The following NEGR1 variants were observed in gnomAD, a reference collection of about 807,000 sequenced individuals.
NEGR1 encodes the protein IgLON family member 4.
Under a neutral mutation model 40.9 loss-of-function variants are expected in NEGR1, and 10 were observed. The ratio of observed to expected loss-of-function variants is 0.24; its 90% CI spans 0.15 to 0.42. The LOEUF is 0.42. Ranked by LOEUF, NEGR1 falls within the 10% of genes least tolerant of loss-of-function variation. NEGR1 has a pLI of 1.00. For missense variants in NEGR1, 352 were observed against 438.9 expected, an observed-to-expected ratio of 0.80 and a Z score of 1.77; for synonymous variants, 185 against 166.8, an observed-to-expected ratio of 1.11 and a Z score of -0.84.
chr1:72,095,664 TAAAAA>T (rs982014874), intron 1 of NEGR1, among the ~76,000 whole-genome samples: 6 of 152,114 alleles, frequency 3.9e-5, no homozygotes, highest in African/African-American at 1.2e-4. Flanking sequence ...TTTTTAAACT[TAAAAA>T]GAAACTATTA....
intron 1 of NEGR1, among the ~76,000 whole-genome samples, chr1:72,181,029 A>C (rs1652348565): frequency 6.6e-6 from 1 of 152,086 alleles, no homozygotes; most frequent in East Asian, 1.9e-4. Context: ...GATGGTGTTG[A>C]CTGTAGTGTT....
At chr1:71,906,873 C>G (rs1661291345) in intron 2 of NEGR1, among the ~76,000 whole-genome samples, 2 of 152,058 alleles carry the variant, frequency 1.3e-5, no homozygotes, top group African/African-American at 4.8e-5. Context: ...TTAACCTAGC[C>G]TGAGGGACAA....
At chr1:72,234,478 A>G (rs529115658) in intron 1 of NEGR1, among the ~76,000 whole-genome samples, 10 of 152,216 alleles carry the variant, frequency 6.6e-5, no homozygotes, top group South Asian at 4.2e-4. Context: ...AAAACTATCA[A>G]CAAAGTGAAC....
At chr1:71,765,577 C>T (rs957226281) in intron 3 of NEGR1, among the ~76,000 whole-genome samples, 2 of 152,104 alleles carry the variant, frequency 1.3e-5, no homozygotes, top group Middle Eastern at 3.4e-3. Flanking sequence ...TCTAATATGC[C>T]TCCACATCTA....
chr1:71,554,814 G>A (rs1648203295), intron 6 of NEGR1, among the ~76,000 whole-genome samples: 1 of 151,450 alleles, frequency 6.6e-6, no homozygotes. Context: ...GGAATCCGAG[G>A]TGCCTTGCAG....
At chr1:71,579,997 C>A (rs1649082650) in intron 6 of NEGR1, among the ~76,000 whole-genome samples, 1 of 152,226 alleles carries the variant, frequency 6.6e-6, no homozygotes, top group East Asian at 1.9e-4. Context: ...ATGTGGCACA[C>A]ACATGCACAC....
chr1:72,205,583 C>T (rs1202317131), intron 1 of NEGR1, among the ~76,000 whole-genome samples: 2 of 148,108 alleles, frequency 1.4e-5, no homozygotes, highest in African/African-American at 5.0e-5. Flanking sequence ...AAACTTTACA[C>T]TCAGGTTTAA....
intron 4 of NEGR1, among the ~76,000 whole-genome samples, chr1:71,640,064 A>G (rs1651298271): frequency 6.6e-6 from 1 of 152,062 alleles, no homozygotes; most frequent in Non-Finnish European, 1.5e-5. Flanking sequence ...CACAATTATG[A>G]GCCTACTAAA....
intron 2 of NEGR1, among the ~76,000 whole-genome samples, chr1:71,880,195 G>GT (rs1344286600): frequency 6.6e-6 from 1 of 151,758 alleles, no homozygotes; most frequent in Non-Finnish European, 1.5e-5. Flanking sequence ...TTGAGGATAG[G>GT]TTTTTCACAA....
chr1:71,924,122 C>G (rs1454646201), intron 2 of NEGR1, among the ~76,000 whole-genome samples: 1 of 152,038 alleles, frequency 6.6e-6, no homozygotes, highest in African/African-American at 2.4e-5. Flanking sequence ...AGTGATCCTC[C>G]TGCTTCGTTC....
intron 5 of NEGR1, among the ~76,000 whole-genome samples, chr1:71,610,175 A>G (rs1650208115): frequency 6.6e-6 from 1 of 152,202 alleles, no homozygotes; most frequent in African/African-American, 2.4e-5. Context: ...CCCCCTACAT[A>G]TATGTTGTAC....
At chr1:71,425,817 C>G (rs1646425038) in intron 6 of NEGR1, among the ~76,000 whole-genome samples, 1 of 152,116 alleles carries the variant, frequency 6.6e-6, no homozygotes, top group Non-Finnish European at 1.5e-5. Context: ...AATTTAGAGA[C>G]AGTGACAGAA....
chr1:71,729,244 C>G (rs1341685389), intron 3 of NEGR1, among the ~76,000 whole-genome samples: 2 of 152,006 alleles, frequency 1.3e-5, no homozygotes, highest in African/African-American at 4.8e-5. Context: ...CAGCTTTGTT[C>G]CAATAACACC....
At chr1:72,219,240 A>G (rs1264252339) in intron 1 of NEGR1, among the ~76,000 whole-genome samples, 2 of 152,122 alleles carry the variant, frequency 1.3e-5, no homozygotes, top group Admixed American at 6.6e-5. Context: ...ATCATCTCAA[A>G]GCAAATAAAA....
At position 72,259,801 on chromosome 1, in the gene NEGR1, A is replaced by G. The variant is rs374259056; in HGVS notation, c.176+22518T>C. Among the ~76,000 whole-genome samples the G allele has an allele frequency of 1.2e-4, 18 of 152,236 alleles. 1 individual carries two copies. In the East Asian group the frequency reaches 2.5e-3, roughly 21 times the overall value. ...TCTTTGACAATAATGAGGTACACATAAAACTATTCTTGTATATGGTTCTAT... is the reference window on the plus strand; with the variant it reads ...TCTTTGACAATAATGAGGTACACATGAAACTATTCTTGTATATGGTTCTAT... On this transcript the variant is annotated intron_variant, in intron 1 of 6. Transcript: ENST00000357731.
chr1:71,816,572 A>G (rs1197244126), intron 2 of NEGR1, among the ~76,000 whole-genome samples: 1 of 152,028 alleles, frequency 6.6e-6, no homozygotes, highest in Non-Finnish European at 1.5e-5. Flanking sequence ...TGAGAACAGC[A>G]TGATAAATAC....
chr1:71,397,870 G>A lies in NEGR1; in HGVS notation c.*9576C>T, dbSNP rs750134841. The A allele has an allele frequency of 4.6e-5, 7 of 152,244 alleles. No individual in the cohort carries two copies. The highest frequency in any genetic ancestry group is 7.3e-5 in the Non-Finnish European group (5 of 68,108). The allele number at this position is 152,244 out of a possible 1,614,324, so 9.4% of individuals were successfully genotyped here. A position where few individuals can be genotyped will look rare whatever the true frequency, so the allele number is the denominator to read the frequency against. On this transcript the variant is annotated 3_prime_UTR_variant, in exon 7 of 7. Transcript: ENST00000357731. Reference sequence around the variant, plus strand: ...GGTTTTGGAGGAAAAAAATGGTTTTGTGGGCCTGGCCCAGGGTCCCTCTGC... The same window carrying A: ...GGTTTTGGAGGAAAAAAATGGTTTTATGGGCCTGGCCCAGGGTCCCTCTGC...
chr1:71,885,779 G>C (rs1660706493), intron 2 of NEGR1, among the ~76,000 whole-genome samples: 1 of 152,032 alleles, frequency 6.6e-6, no homozygotes, highest in Non-Finnish European at 1.5e-5. Context: ...CAAATATTTG[G>C]TAAAGTATTA....
At chr1:71,555,302 C>T (rs1010276912) in intron 6 of NEGR1, among the ~76,000 whole-genome samples, 2 of 151,472 alleles carry the variant, frequency 1.3e-5, no homozygotes, top group Non-Finnish European at 3.0e-5. Context: ...AGTAATTGGG[C>T]TAAGCAGCAA....
Sources: gnomAD v4.1 joint callset for allele counts (sites outside exome capture counted in the v4.1 genomes callset) on GRCh38, gnomAD v4.1.1 for gene constraint, MANE v1.5 for transcripts, NCBI Gene and HGNC (gene_info 2026-07-23, HGNC 2026-07-21) for gene names.